The following ZNF407 variants were observed in gnomAD, a reference collection of about 807,000 sequenced individuals.
The protein encoded by ZNF407 is zinc finger protein 407.
ZNF407 carries 17 observed loss-of-function variants against 131.2 expected under a neutral mutation model. That is an observed-to-expected ratio of 0.13 (90% CI 0.09 to 0.19). The LOEUF is 0.19. ZNF407 is among the 10% of genes least tolerant of loss of function. ZNF407 has a pLI of 1.00. For synonymous variants in ZNF407, 1,156 were observed against 1,062.0 expected, an observed-to-expected ratio of 1.09 and a Z score of -1.72; for missense variants, 2,681 against 2,830.6, an observed-to-expected ratio of 0.95 and a Z score of 1.20.
At chr18:74,827,968 G>T (rs1279301451) in intron 4 of ZNF407, among the ~76,000 whole-genome samples, 3 of 152,236 alleles carry the variant, frequency 2.0e-5, no homozygotes, top group Middle Eastern at 3.4e-3. Flanking sequence ...ATATTTGTTT[G>T]TTGTTTGTTT....
Position 74,788,443 on chromosome 18 carries a change from C to T in ZNF407, c.4877+6941C>T, listed in dbSNP as rs993054090. Among the ~76,000 whole-genome samples the T allele has an allele frequency of 2.6e-5, 4 of 151,976 alleles. No homozygotes were observed. The East Asian group carries it at 7.7e-4, about 29-fold the overall frequency. ...TGGTCCAGTGGTGCTTTTTACTTCT[C>T]AGACTTATTTATTTAAAAACACGCT... On this transcript the variant is annotated intron_variant, in intron 4 of 8. Coordinates refer to ENST00000299687, the MANE Select transcript of ZNF407 (RefSeq NM_017757.3).
intron 3 of ZNF407, among the ~76,000 whole-genome samples, chr18:74,749,140 T>A (rs1196594244): frequency 3.9e-5 from 6 of 152,166 alleles, no homozygotes; most frequent in Admixed American, 1.3e-4. Flanking sequence ...AAACTCTCAT[T>A]TGTTAGCCAT....
At chr18:74,754,184 G>A (rs917704414) in intron 3 of ZNF407, among the ~76,000 whole-genome samples, 1 of 152,100 alleles carries the variant, frequency 6.6e-6, no homozygotes, top group Non-Finnish European at 1.5e-5. Flanking sequence ...TGTGGGATTG[G>A]TGGTGCTATC....
At chr18:74,818,193 T>C (rs1008860025) in intron 4 of ZNF407, among the ~76,000 whole-genome samples, 2 of 152,176 alleles carry the variant, frequency 1.3e-5, no homozygotes, top group African/African-American at 4.8e-5. Flanking sequence ...CTCCCTTGTG[T>C]GTTAGTAGCA....
chr18:74,823,939 T>C (rs1214395083), intron 4 of ZNF407, among the ~76,000 whole-genome samples: 2 of 152,174 alleles, frequency 1.3e-5, no homozygotes, highest in African/African-American at 4.8e-5. Context: ...GCACTTATTC[T>C]AAAATTGATC....
chr18:74,808,374 G>C (rs957833994), intron 4 of ZNF407, among the ~76,000 whole-genome samples: 56 of 152,114 alleles, frequency 3.7e-4, no homozygotes, highest in African/African-American at 1.3e-3. Flanking sequence ...TGTTAAAAAT[G>C]TGTAGAAAGG....
At position 75,059,693 on chromosome 18, in the gene ZNF407, G is replaced by T. The variant is rs962391250; in HGVS notation, c.5429-3457G>T. 2.0e-5 allele frequency among the ~76,000 whole-genome samples: 3 copies of T among 152,160 alleles called. No individual in the cohort carries two copies. The East Asian group carries it at 5.8e-4, about 29-fold the overall frequency. ...AACTGACCGGGGATCAGCCACACGG[G>T]CCCGGCTTATGCTCAGGCGGAAAGG... is the stretch of plus-strand genomic sequence containing the variant. On this transcript the variant is annotated intron_variant, in intron 8 of 8. Coordinates refer to ENST00000299687, the MANE Select transcript of ZNF407 (RefSeq NM_017757.3).
chr18:74,626,298 T>C (rs1307205064), intron 1 of ZNF407, among the ~76,000 whole-genome samples: 1 of 152,220 alleles, frequency 6.6e-6, no homozygotes, highest in African/African-American at 2.4e-5. Flanking sequence ...TGAAAATCAG[T>C]CAGGCAGTTT....
rs1325441452 is a variant in ZNF407, at chr18:74,804,036, T to C, written c.4877+22534T>C. ...ACAACAGGAACGCGTCGAGTGCCTC[T>C]GAAGCCCAAAGTCTTTGTGAGCACT... is the stretch of plus-strand genomic sequence containing the variant. On this transcript the variant is annotated intron_variant, in intron 4 of 8. Coordinates refer to ENST00000299687, the MANE Select transcript of ZNF407 (RefSeq NM_017757.3). 1.9e-6 allele frequency: 3 copies of C among 1,551,578 alleles called. 1 individual carries two copies. The African/African-American group carries it at 4.1e-5, about 21-fold the overall frequency.
intron 8 of ZNF407, among the ~76,000 whole-genome samples, chr18:74,970,667 G>T (rs184658153): frequency 6.6e-6 from 1 of 152,196 alleles, no homozygotes; most frequent in Non-Finnish European, 1.5e-5. Flanking sequence ...ACTTTGCAGG[G>T]TATAGCCCCC....
At chr18:74,798,575 C>T (rs546304269) in intron 4 of ZNF407, among the ~76,000 whole-genome samples, 1 of 152,192 alleles carries the variant, frequency 6.6e-6, no homozygotes, top group Non-Finnish European at 1.5e-5. Flanking sequence ...TCTTAACAAA[C>T]GCTGCTTTAA....
At chr18:74,945,424 C>G (rs905385785) in intron 8 of ZNF407, among the ~76,000 whole-genome samples, 2 of 152,134 alleles carry the variant, frequency 1.3e-5, no homozygotes, top group Admixed American at 6.5e-5. Context: ...TTGCAGACAG[C>G]TCGCCCATTT....
At chr18:74,717,879 A>C (rs1351518171) in intron 3 of ZNF407, among the ~76,000 whole-genome samples, 4 of 152,190 alleles carry the variant, frequency 2.6e-5, no homozygotes, top group Non-Finnish European at 5.9e-5. Flanking sequence ...TGTGATAAAA[A>C]AATTTCAGAT....
At chr18:74,669,286 G>A (rs1407598517) in intron 3 of ZNF407, among the ~76,000 whole-genome samples, 1 of 152,190 alleles carries the variant, frequency 6.6e-6, no homozygotes, top group African/African-American at 2.4e-5. Context: ...TTCTGACCAG[G>A]GGCCTTCCCA....
intron 4 of ZNF407, among the ~76,000 whole-genome samples, chr18:74,786,899 G>A (rs1289633117): frequency 6.9e-6 from 1 of 145,274 alleles, no homozygotes; most frequent in Non-Finnish European, 1.5e-5. Context: ...TCCGCCTCCC[G>A]GGTTCAAGCA....
At chr18:74,963,825 A>C (rs1366535501) in intron 8 of ZNF407, among the ~76,000 whole-genome samples, 1 of 152,212 alleles carries the variant, frequency 6.6e-6, no homozygotes, top group East Asian at 1.9e-4. Context: ...TAATATATGA[A>C]AAAAGTGTTG....
At chr18:74,722,348 G>T (rs910050500) in intron 3 of ZNF407, among the ~76,000 whole-genome samples, 1 of 151,804 alleles carries the variant, frequency 6.6e-6, no homozygotes, top group Admixed American at 6.6e-5. Context: ...TAATTTTTGC[G>T]TGGAGATCCT....
intron 8 of ZNF407, among the ~76,000 whole-genome samples, chr18:74,952,350 G>T (rs1972224270): frequency 6.6e-6 from 1 of 152,148 alleles, no homozygotes. Flanking sequence ...AGCCCCTGGT[G>T]CTGCGCTGTC....
At chr18:74,865,925 G>GT (rs1971004181) in intron 4 of ZNF407, among the ~76,000 whole-genome samples, 2 of 152,298 alleles carry the variant, frequency 1.3e-5, no homozygotes, top group Admixed American at 1.3e-4. Context: ...ACATTGCTTA[G>GT]TGGAGGCATG....
Sources: allele counts gnomAD v4.1 joint callset (sites outside exome capture counted in the v4.1 genomes callset), GRCh38; gene constraint gnomAD v4.1.1; transcripts MANE v1.5; gene names NCBI Gene and HGNC (gene_info 2026-07-23, HGNC 2026-07-21).